SBF2: variants seen among roughly 807,000 people sequenced by gnomAD.
The protein encoded by SBF2 is SET binding factor 2.
In SBF2, 112 loss-of-function variants were observed where a neutral mutation model predicts 225.2. The ratio of observed to expected loss-of-function variants is 0.50; its 90% CI spans 0.43 to 0.58. The LOEUF is 0.58. Among genes scored for constraint, SBF2 ranks in the 20% least tolerant of loss-of-function variants. The pLI, the probability that SBF2 is intolerant of heterozygous loss-of-function variation, is 0.00. For synonymous variants in SBF2, 763 were observed against 773.3 expected, an observed-to-expected ratio of 0.99 and a Z score of 0.22; for missense variants, 1,996 against 2,206.2, an observed-to-expected ratio of 0.90 and a Z score of 1.91.
intron 32 of SBF2, among the ~76,000 whole-genome samples, chr11:9,802,360 C>T (rs1472341355): frequency 6.6e-6 from 1 of 152,174 alleles, no homozygotes; most frequent in South Asian, 2.1e-4. Context: ...CCTGGATATA[C>T]TGGCGTAAAC....
chr11:9,905,064 AT>A lies in SBF2; in HGVS notation c.1861-9054del, dbSNP rs373488738. The stretch of plus-strand genomic sequence containing the variant: ...CAAAAAACTATCAGTAAATTTCAAA[AT>A]GTTTTGAATCATATAGACAGAGTTG... On this transcript the variant is annotated intron_variant, in intron 16 of 39. Coordinates refer to ENST00000256190, the MANE Select transcript of SBF2 (RefSeq NM_030962.4). Among the ~76,000 whole-genome samples, 565 of 152,324 alleles carry A rather than the reference AT, an allele frequency of 3.7e-3. 3 individuals carry two copies. The highest frequency in any genetic ancestry group is 5.0e-3 in the South Asian group (24 of 4,830).
chr11:9,869,159 A>C (rs1482106947), intron 17 of SBF2, among the ~76,000 whole-genome samples: 1 of 152,192 alleles, frequency 6.6e-6, no homozygotes, highest in African/African-American at 2.4e-5. Flanking sequence ...TTGTTTTTCT[A>C]GTGTCTACCA....
At chr11:10,281,758 G>A (rs988866746) in intron 1 of SBF2, among the ~76,000 whole-genome samples, 124 of 152,016 alleles carry the variant, frequency 8.2e-4, no homozygotes, top group African/African-American at 2.9e-3. Context: ...CCCATCTTTT[G>A]AAGTCTCCAC....
At chr11:9,805,806 TAG>T (rs1401179791) in intron 32 of SBF2, among the ~76,000 whole-genome samples, 1 of 152,030 alleles carries the variant, frequency 6.6e-6, no homozygotes, top group East Asian at 1.9e-4. Context: ...GTATTTTTAG[TAG>T]AGATGGGGTT....
intron 1 of SBF2, among the ~76,000 whole-genome samples, chr11:10,304,386 G>T (rs1355708423): frequency 6.6e-6 from 1 of 152,204 alleles, no homozygotes; most frequent in Non-Finnish European, 1.5e-5. Context: ...TTATTCCTAT[G>T]TTTCCAAATA....
At chr11:10,164,178 T>G (rs750239361) in intron 2 of SBF2, among the ~76,000 whole-genome samples, 2 of 152,166 alleles carry the variant, frequency 1.3e-5, no homozygotes, top group African/African-American at 4.8e-5. Context: ...AGTCAAAAAC[T>G]GCATCAGCTT....
At chr11:10,232,778 G>A (rs74629508) in intron 1 of SBF2, among the ~76,000 whole-genome samples, 3,284 of 152,210 alleles carry the variant, frequency 0.022, 91 homozygotes, top group African/African-American at 0.065. Context: ...GAGAAAAGAT[G>A]CTTTCATTTG....
At chr11:10,140,501 G>A (rs1470309675) in intron 2 of SBF2, among the ~76,000 whole-genome samples, 1 of 152,214 alleles carries the variant, frequency 6.6e-6, no homozygotes, top group Non-Finnish European at 1.5e-5. Flanking sequence ...CCTAACTGGG[G>A]CAGGGAAGCT....
rs1852285162 is a variant in SBF2, at chr11:9,785,120, G to A, written c.5231+5C>T. 1 of 1,612,156 alleles carries A rather than the reference G, an allele frequency of 6.2e-7. No individual in the cohort carries two copies. Among genetic ancestry groups the A allele is most frequent in the African/African-American group, 1.3e-5 (1 of 74,860 alleles). On this transcript the variant is annotated splice_donor_5th_base_variant and intron_variant, in intron 37 of 39. Coordinates refer to ENST00000256190, the MANE Select transcript of SBF2 (RefSeq NM_030962.4). Reference sequence around the variant, plus strand: ...CAGCACAGCGAGCAGGGTTCAGCATGTCACCTGTTTTCATCATTCTTGGAT... The same window carrying A: ...CAGCACAGCGAGCAGGGTTCAGCATATCACCTGTTTTCATCATTCTTGGAT...
At chr11:10,005,081 A>C (rs1215528550) in intron 6 of SBF2, among the ~76,000 whole-genome samples, 1 of 152,190 alleles carries the variant, frequency 6.6e-6, no homozygotes, top group Non-Finnish European at 1.5e-5. Flanking sequence ...CTCTAAAATA[A>C]TAATTGGTCA....
At chr11:9,902,400 C>T (rs1232295760) in intron 16 of SBF2, among the ~76,000 whole-genome samples, 2 of 152,146 alleles carry the variant, frequency 1.3e-5, no homozygotes, top group South Asian at 2.1e-4. Flanking sequence ...ACCTGTAAGC[C>T]ACCACCCCAC....
chr11:9,931,260 C>G (rs1004715281), intron 16 of SBF2, among the ~76,000 whole-genome samples: 1 of 152,244 alleles, frequency 6.6e-6, no homozygotes, highest in African/African-American at 2.4e-5. Context: ...GTGGTTCTTC[C>G]AGAATGGCGG....
chr11:9,821,162 T>C (rs958745088), intron 28 of SBF2, among the ~76,000 whole-genome samples: 2 of 152,232 alleles, frequency 1.3e-5, no homozygotes, highest in Admixed American at 1.3e-4. Context: ...TTGGTTTACA[T>C]GTGCTTGTGA....
intron 1 of SBF2, among the ~76,000 whole-genome samples, chr11:10,239,853 T>C (rs188512017): frequency 2.3e-4 from 35 of 152,346 alleles, no homozygotes; most frequent in African/African-American, 8.2e-4. Context: ...ATTTTGATTA[T>C]GTTTTATGTG....
chr11:9,986,647 C>A (rs890949296), intron 13 of SBF2, among the ~76,000 whole-genome samples: 3 of 151,958 alleles, frequency 2.0e-5, no homozygotes, highest in Non-Finnish European at 4.4e-5. Context: ...CAAGGCAACA[C>A]CTTTACGCAC....
intron 2 of SBF2, chr11:10,149,264 G>A (rs1955048582): frequency 6.6e-6 from 1 of 152,070 alleles, no homozygotes; most frequent in East Asian, 1.9e-4. Context: ...ATATCAATGT[G>A]TAGCCACTCG....
upstream of SBF2, among the ~76,000 whole-genome samples, chr11:10,296,196 G>A (rs954627031): frequency 2.0e-5 from 3 of 151,912 alleles, no homozygotes; most frequent in Non-Finnish European, 4.4e-5. Flanking sequence ...GCTTGTTTAC[G>A]GGCAGATACA....
chr11:9,929,689 C>A (rs1864340732), intron 16 of SBF2, among the ~76,000 whole-genome samples: 1 of 152,170 alleles, frequency 6.6e-6, no homozygotes, highest in Non-Finnish European at 1.5e-5. Context: ...AATTGGGCTA[C>A]AAAGTGCTGC....
chr11:10,158,606 C>A lies in SBF2; in HGVS notation c.141+35296G>T, dbSNP rs372049711. Among the ~76,000 whole-genome samples, 8 of 152,252 alleles carry A rather than the reference C, an allele frequency of 5.3e-5. 1 individual carries two copies. The East Asian group carries it at 9.6e-4, about 18-fold the overall frequency. ...TCAATTCCTAGAAACATAAAACCTA[C>A]TAACACTGAATCATGAAGAAATAGG... On this transcript the variant is annotated intron_variant, in intron 2 of 39. Coordinates refer to ENST00000256190, the MANE Select transcript of SBF2 (RefSeq NM_030962.4).
Sources: gnomAD v4.1 joint callset for allele counts (sites outside exome capture counted in the v4.1 genomes callset) on GRCh38, gnomAD v4.1.1 for gene constraint, MANE v1.5 for transcripts, NCBI Gene and HGNC (gene_info 2026-07-23, HGNC 2026-07-21) for gene names.